OSBPL10: variants seen among roughly 807,000 people sequenced by gnomAD.
The protein encoded by OSBPL10 is oxysterol binding protein like 10.
OSBPL10 carries 49 observed loss-of-function variants against 81.7 expected under a neutral mutation model. The observed-to-expected ratio is 0.60, with a 90% CI of 0.48 to 0.76. The LOEUF is 0.76. Among genes scored for constraint, OSBPL10 ranks in the 30% least tolerant of loss-of-function variants. The pLI is 0.00. For synonymous variants in OSBPL10, 419 were observed against 383.6 expected, an observed-to-expected ratio of 1.09 and a Z score of -1.08; for missense variants, 923 against 987.8, an observed-to-expected ratio of 0.93 and a Z score of 0.88.
At chr3:31,758,288 T>C (rs1167136942) in intron 4 of OSBPL10, among the ~76,000 whole-genome samples, 1 of 152,178 alleles carries the variant, frequency 6.6e-6, no homozygotes, top group Non-Finnish European at 1.5e-5. Flanking sequence ...CTGTCTTTTG[T>C]TACAGAGGTC....
intron 4 of OSBPL10, among the ~76,000 whole-genome samples, chr3:31,755,473 T>C (rs114248889): frequency 9.2e-5 from 14 of 152,360 alleles, no homozygotes; most frequent in Non-Finnish European, 2.1e-4. Context: ...TCATTATTTC[T>C]AGATATTTAC....
chr3:31,719,771 A>T (rs1337386564), intron 6 of OSBPL10, among the ~76,000 whole-genome samples: 1 of 152,106 alleles, frequency 6.6e-6, no homozygotes, highest in Non-Finnish European at 1.5e-5. Context: ...ATATATGTAG[A>T]GGACAATTTA....
At chr3:31,707,907 A>T (rs1386449508) in intron 6 of OSBPL10, among the ~76,000 whole-genome samples, 1 of 152,084 alleles carries the variant, frequency 6.6e-6, no homozygotes, top group East Asian at 1.9e-4. Context: ...AAAAATAAAG[A>T]GTGTGGAGTT....
At position 31,807,707 on chromosome 3, in the gene OSBPL10, C is replaced by T. The variant is rs578097305; in HGVS notation, c.729+22333G>A. 5.8e-4 allele frequency among the ~76,000 whole-genome samples: 89 copies of T among 152,202 alleles called. 1 individual carries two copies. Among genetic ancestry groups the T allele is most frequent in the African/African-American group, 2.0e-3 (83 of 41,528 alleles). On this transcript the variant is annotated intron_variant, in intron 4 of 11. Transcript: ENST00000396556. ...GAGCTATGATTGGGCCACGGCACTC[C>T]AGTCTGGATGACTGAGCAAGACCCC...
In OSBPL10 at chr3:31,876,501, T is replaced by C. The variant is rs756635166; in HGVS notation, c.469A>G (p.Lys157Glu). Residue 157 changes from lysine (K) to glutamate (E), a missense_variant, in exon 3 of 12, where the codon AAA becomes GAA. Lys to Glu is a moderately conservative substitution (Grantham distance 56, BLOSUM62 1). Transcript: ENST00000396556. The part of the protein sequence containing the change: ...EMFKLRAADA[K>E]EKQFWVTQLR... Reference sequence around the variant, plus strand: ...TGAGTCACCCAGAATTGTTTCTCTTTTGCATCAGCAGCTAAAATAGAGAAA... The same window carrying C: ...TGAGTCACCCAGAATTGTTTCTCTTCTGCATCAGCAGCTAAAATAGAGAAA... 1.1e-5 allele frequency: 17 copies of C among 1,612,742 alleles called. No homozygotes were observed. The highest frequency in any genetic ancestry group is 3.3e-4 in the Middle Eastern group (2 of 6,082).
chr3:31,824,343 T>C (rs34484717), intron 4 of OSBPL10, among the ~76,000 whole-genome samples: 10,625 of 152,156 alleles, frequency 0.07, 779 homozygotes, highest in East Asian at 0.44. Context: ...CCATCAATTG[T>C]CTTTGCAATT....
At chr3:31,764,976 T>C (rs940773925) in intron 4 of OSBPL10, among the ~76,000 whole-genome samples, 4 of 152,146 alleles carry the variant, frequency 2.6e-5, no homozygotes, top group Non-Finnish European at 4.4e-5. Context: ...ATGATCCCCA[T>C]CATCCATAAA....
At chr3:32,026,057 T>TAGATGATAGATAGATGATTGATA (rs58717718) in intron 2 of OSBPL10, among the ~76,000 whole-genome samples, 8 of 111,346 alleles carry the variant, frequency 7.2e-5, no homozygotes, top group African/African-American at 1.0e-4. Flanking sequence ...GATAGATAGA[T>TAGATGATAGATAGATGATTGATA]GATAGATAGA....
chr3:31,891,275 T>C (rs932253403), intron 1 of OSBPL10, among the ~76,000 whole-genome samples: 3 of 152,164 alleles, frequency 2.0e-5, no homozygotes, highest in African/African-American at 7.2e-5. Flanking sequence ...AAAACACAGC[T>C]TCCTGGGCCC....
chr3:31,914,282 C>T (rs1432198389), intron 1 of OSBPL10, among the ~76,000 whole-genome samples: 1 of 152,178 alleles, frequency 6.6e-6, no homozygotes, highest in Non-Finnish European at 1.5e-5. Context: ...AATAGCATTT[C>T]CCGAAAAGTG....
intron 5 of OSBPL10, among the ~76,000 whole-genome samples, chr3:31,746,713 T>C (rs1424889550): frequency 1.3e-5 from 2 of 148,860 alleles, no homozygotes; most frequent in African/African-American, 5.0e-5. Flanking sequence ...CTCAGCAAAC[T>C]ATCGCAAGGA....
At chr3:32,042,581 G>A (rs1057411409) in intron 2 of OSBPL10, among the ~76,000 whole-genome samples, 1 of 152,012 alleles carries the variant, frequency 6.6e-6, no homozygotes, top group African/African-American at 2.4e-5. Context: ...TTCAATGTAG[G>A]TTCTTTCTAT....
At chr3:31,850,300 C>T (rs1227066475) in intron 3 of OSBPL10, among the ~76,000 whole-genome samples, 1 of 152,008 alleles carries the variant, frequency 6.6e-6, no homozygotes, top group African/African-American at 2.4e-5. Flanking sequence ...TACCACTGCA[C>T]TCCAGCCCAG....
intron 4 of OSBPL10, among the ~76,000 whole-genome samples, chr3:31,778,710 C>G (rs1299720647): frequency 2.6e-5 from 4 of 152,034 alleles, no homozygotes; most frequent in African/African-American, 7.2e-5. Flanking sequence ...CAAAGAACAC[C>G]TGGGAAATTC....
chr3:31,963,294 T>C (rs763710415), intron 1 of OSBPL10, among the ~76,000 whole-genome samples: 72 of 151,992 alleles, frequency 4.7e-4, no homozygotes, highest in Non-Finnish European at 8.5e-4. Flanking sequence ...AAGTGTTTCC[T>C]CAACCATCTG....
intron 4 of OSBPL10, among the ~76,000 whole-genome samples, chr3:31,820,723 T>C (rs1699963634): frequency 1.3e-5 from 2 of 152,180 alleles, no homozygotes; most frequent in African/African-American, 4.8e-5. Context: ...CCGCTGTAAG[T>C]GTACAATGCA....
intron 1 of OSBPL10, among the ~76,000 whole-genome samples, chr3:31,945,467 C>T (rs987263662): frequency 6.6e-6 from 1 of 152,184 alleles, no homozygotes; most frequent in African/African-American, 2.4e-5. Context: ...TTGGTTTGTT[C>T]ATTGTTTTTA....
intron 1 of OSBPL10, among the ~76,000 whole-genome samples, chr3:31,964,844 C>T (rs538812886): frequency 6.6e-5 from 10 of 152,206 alleles, no homozygotes; most frequent in African/African-American, 2.4e-4. Flanking sequence ...AAAGAACACA[C>T]AAATTCAGGG....
At chr3:31,964,844 C>G (rs538812886) in intron 1 of OSBPL10, among the ~76,000 whole-genome samples, 1 of 152,088 alleles carries the variant, frequency 6.6e-6, no homozygotes, top group African/African-American at 2.4e-5. Flanking sequence ...AAAGAACACA[C>G]AAATTCAGGG....
Sources: gnomAD v4.1 joint callset for allele counts (sites outside exome capture counted in the v4.1 genomes callset) on GRCh38, gnomAD v4.1.1 for gene constraint, MANE v1.5 for transcripts, NCBI Gene and HGNC (gene_info 2026-07-23, HGNC 2026-07-21) for gene names.